The following GRIN2A variants were observed in gnomAD, a reference collection of about 807,000 sequenced individuals.
GRIN2A encodes the protein glutamate receptor ionotropic, NMDA 2A.
A neutral mutation model predicts 113.4 loss-of-function variants in GRIN2A; 22 were observed. That is an observed-to-expected ratio of 0.19 (90% CI 0.14 to 0.28). GRIN2A has a LOEUF of 0.28. Among genes scored for constraint, GRIN2A ranks in the 10% least tolerant of loss-of-function variants. The probability of loss-of-function intolerance (pLI) is 1.00; values close to 1 mark genes in which losing one functional copy is unlikely to be tolerated. For missense variants in GRIN2A, 1,502 were observed against 1,887.0 expected (o/e 0.80, Z 3.78); for synonymous variants, 827 against 738.4 (o/e 1.12, Z -1.94).
chr16:9,839,196 A>G (rs1174841812), intron 7 of GRIN2A, among the ~76,000 whole-genome samples: 4 of 152,200 alleles, frequency 2.6e-5, no homozygotes, highest in East Asian at 3.8e-4. Context: ...ATGATATTCA[A>G]CAAGATAGTT....
chr16:9,928,405 C>G (rs1398428222), intron 3 of GRIN2A, among the ~76,000 whole-genome samples: 1 of 152,164 alleles, frequency 6.6e-6, no homozygotes, highest in Non-Finnish European at 1.5e-5. Flanking sequence ...TGAGCACCTG[C>G]CCCTTTATAC....
chr16:10,144,851 G>A (rs1298929701), intron 2 of GRIN2A, among the ~76,000 whole-genome samples: 3 of 144,268 alleles, frequency 2.1e-5, no homozygotes, highest in African/African-American at 7.6e-5. Context: ...TACCCAGGAG[G>A]CGGAGACTGC....
At chr16:10,175,509 G>C (rs1254669064) in intron 2 of GRIN2A, among the ~76,000 whole-genome samples, 1 of 152,164 alleles carries the variant, frequency 6.6e-6, no homozygotes, top group Non-Finnish European at 1.5e-5. Flanking sequence ...TTTGGAGAGA[G>C]ATTTTTATCT....
intron 2 of GRIN2A, among the ~76,000 whole-genome samples, chr16:9,973,594 A>C (rs2045716140): frequency 6.6e-6 from 1 of 152,224 alleles, no homozygotes; most frequent in Non-Finnish European, 1.5e-5. Flanking sequence ...CAAATAGGAC[A>C]AATGTGGAGA....
intron 9 of GRIN2A, among the ~76,000 whole-genome samples, chr16:9,823,679 G>A (rs1567324979): frequency 6.6e-6 from 1 of 152,132 alleles, no homozygotes. Context: ...CCCATGCCAG[G>A]TAGTTAATCT....
chr16:9,810,507 T>G (rs993199212), intron 10 of GRIN2A, among the ~76,000 whole-genome samples: 2 of 152,182 alleles, frequency 1.3e-5, no homozygotes, highest in Admixed American at 6.5e-5. Context: ...CATCCTGGAT[T>G]TAGGGTGGGT....
chr16:10,086,280 T>C (rs2048083753), intron 2 of GRIN2A, among the ~76,000 whole-genome samples: 1 of 152,124 alleles, frequency 6.6e-6, no homozygotes, highest in African/African-American at 2.4e-5. Flanking sequence ...GGTGCCACAG[T>C]GACACTGCCA....
chr16:9,877,038 C>T (rs1047597285), intron 4 of GRIN2A, among the ~76,000 whole-genome samples: 4 of 152,172 alleles, frequency 2.6e-5, no homozygotes, highest in Non-Finnish European at 4.4e-5. Flanking sequence ...AAATTTCCAT[C>T]ATTCATCCTA....
chr16:9,964,677 A>G (rs917819204), intron 2 of GRIN2A, among the ~76,000 whole-genome samples: 1 of 152,218 alleles, frequency 6.6e-6, no homozygotes, highest in Middle Eastern at 3.4e-3. Context: ...GCACCACTGC[A>G]TCTCTCTGAC....
At chr16:9,834,038 T>G (rs2042544501) in intron 8 of GRIN2A, 67 bp downstream of exon 8, 1 of 1,537,666 alleles carries the variant, frequency 6.5e-7, no homozygotes, top group East Asian at 2.3e-5. Context: ...GTTCTAAAAC[T>G]GAAATTTTCA....
chr16:9,803,987 G>T (rs1467153828), intron 10 of GRIN2A, among the ~76,000 whole-genome samples: 1 of 152,190 alleles, frequency 6.6e-6, no homozygotes, highest in Non-Finnish European at 1.5e-5. Flanking sequence ...GTCGTGGTGG[G>T]TTGTTCCACT....
intron 2 of GRIN2A, among the ~76,000 whole-genome samples, chr16:10,093,008 T>C (rs1458705583): frequency 6.6e-6 from 1 of 151,994 alleles, no homozygotes; most frequent in African/African-American, 2.4e-5. Context: ...CTGGCTAATT[T>C]TTTGTATTTT....
intron 3 of GRIN2A, among the ~76,000 whole-genome samples, chr16:9,916,048 C>G (rs1045544410): frequency 1.3e-5 from 2 of 152,168 alleles, no homozygotes; most frequent in Admixed American, 1.3e-4. Flanking sequence ...CCAACTTTGT[C>G]TTCTGGAGTT....
intron 3 of GRIN2A, among the ~76,000 whole-genome samples, chr16:9,918,943 C>T (rs1295756191): frequency 6.6e-6 from 1 of 151,924 alleles, no homozygotes; most frequent in Non-Finnish European, 1.5e-5. Flanking sequence ...GAAGCCAAAA[C>T]GGGCAGATTA....
chr16:9,885,848 G>A (rs1236945133), intron 4 of GRIN2A, among the ~76,000 whole-genome samples: 1 of 152,244 alleles, frequency 6.6e-6, no homozygotes, highest in Non-Finnish European at 1.5e-5. Flanking sequence ...CAAGAGGATA[G>A]AGCAACTACA....
intron 2 of GRIN2A, among the ~76,000 whole-genome samples, chr16:10,144,920 CAAAA>C (rs58751267): frequency 1.7e-5 from 1 of 59,416 alleles, no homozygotes; most frequent in South Asian, 9.8e-4. Context: ...GACCCTGTCT[CAAAA>C]AAAAAAAAAA....
rs1322077810 is a variant in GRIN2A at position 9,756,062 on chromosome 16, A to C, written c.*7087T>G. ...TAGGAGGAATAGTCAACTTGCAAAT[A>C]ATATCACCTCTTTGAACATGGGTCA... On this transcript the variant is annotated 3_prime_UTR_variant, in exon 13 of 13. Transcript: ENST00000330684. 1 of 224,200 alleles carries C rather than the reference A, an allele frequency of 4.5e-6. No homozygotes were observed. Among genetic ancestry groups the C allele is most frequent in the Non-Finnish European group, 8.9e-6 (1 of 112,244 alleles). The allele number at this position is 224,200 out of a possible 1,614,324, so 13.9% of individuals were successfully genotyped here.
In GRIN2A at chr16:9,838,917, A is replaced by G. The variant is rs541689082; in HGVS notation, c.1651+1730T>C. On this transcript the variant is annotated intron_variant, in intron 7 of 12. Coordinates refer to ENST00000330684, the MANE Select transcript of GRIN2A (RefSeq NM_001134407.3). ...CACTGGAGACTCAGAAAGGGAGAGG[A>G]TGGGAGGGAGATGAGTGATGGAAAA... 3.8e-4 allele frequency among the ~76,000 whole-genome samples: 58 copies of G among 152,262 alleles called. 2 individuals carry two copies. In the South Asian group the frequency reaches 0.011, roughly 30 times the overall value.
chr16:10,034,851 G>C (rs2046996134), intron 2 of GRIN2A, among the ~76,000 whole-genome samples: 1 of 152,152 alleles, frequency 6.6e-6, no homozygotes, highest in Admixed American at 6.5e-5. Flanking sequence ...TTTGTTGGCT[G>C]AGACAGTCCT....
Sources: allele counts gnomAD v4.1 joint callset (sites outside exome capture counted in the v4.1 genomes callset), GRCh38; gene constraint gnomAD v4.1.1; transcripts MANE v1.5; gene names NCBI Gene and HGNC (gene_info 2026-07-23, HGNC 2026-07-21).